Variants in POU2F2 observed in about 807,000 individuals in gnomAD.
POU2F2 encodes POU domain, class 2, transcription factor 2.
A neutral mutation model predicts 63.5 loss-of-function variants in POU2F2; 14 were observed. The observed-to-expected ratio is 0.22, with a 90% CI of 0.15 to 0.34. The LOEUF is 0.34. POU2F2 is among the 10% of genes least tolerant of loss of function. The probability of loss-of-function intolerance (pLI) is 1.00; values close to 1 mark genes in which losing one functional copy is unlikely to be tolerated. For missense variants in POU2F2, 607 were observed against 815.2 expected (o/e 0.74, Z 3.11); for synonymous variants, 306 against 348.6 (o/e 0.88, Z 1.36).
Position 42,117,186 on chromosome 19 carries a change from G to T in POU2F2, c.369+64C>A. 7.9e-7 allele frequency: 1 copy of T among 1,267,150 alleles called. No individual in the cohort carries two copies. The highest frequency in any genetic ancestry group is 1.1e-6 in the Non-Finnish European group (1 of 928,724). 78.5% of individuals were successfully genotyped at this position (1,267,150 alleles called of 1,614,324 possible). A position where few individuals can be genotyped will look rare whatever the true frequency, so the allele number is the denominator to read the frequency against. Reference sequence around the variant, plus strand: ...CCTTGGTGGAACAGTTCATCCACTAGCCCTGTAACAGATGAGGGGTGGCTG... The same window carrying T: ...CCTTGGTGGAACAGTTCATCCACTATCCCTGTAACAGATGAGGGGTGGCTG... On this transcript the variant is annotated intron_variant, in intron 5 of 14. Coordinates refer to ENST00000692977, the MANE Select transcript of POU2F2 (RefSeq NM_001394376.1). The surrounding 1 kb of genome is among the most constrained non-coding windows in gnomAD (Gnocchi z 4.4).
Position 42,095,261 on chromosome 19 carries a change from C to T in POU2F2, c.1197+25G>A, listed in dbSNP as rs1297119367. Reference sequence around the variant, plus strand: ...TGCCTGCGGAGCTCTGTGGTCTCCCCACCCCCCAGGCGGGCTCTTGGTACC... The same window carrying T: ...TGCCTGCGGAGCTCTGTGGTCTCCCTACCCCCCAGGCGGGCTCTTGGTACC... On this transcript the variant is annotated intron_variant, in intron 11 of 14. Transcript: ENST00000692977. The surrounding 1 kb of genome is among the most constrained non-coding windows in gnomAD (Gnocchi z 7.1). 2 of 1,602,086 alleles carry T rather than the reference C, an allele frequency of 1.2e-6. No individual in the cohort carries two copies. The highest frequency in any genetic ancestry group is 1.7e-6 in the Non-Finnish European group (2 of 1,175,728).
At chr19:42,136,224 A>C, upstream of POU2F2, among the ~76,000 whole-genome samples, 1 of 126,442 alleles carries the variant, frequency 7.9e-6, no homozygotes, top group African/African-American at 3.1e-5. Flanking sequence ...TGGCTCTGTC[A>C]CTCAGGCTGG....
chr19:42,154,760 T>TCA (rs1271357644), intron 2 of POU2F2, among the ~76,000 whole-genome samples: 3 of 149,452 alleles, frequency 2.0e-5, no homozygotes, highest in Non-Finnish European at 4.5e-5. Flanking sequence ...AAGTGATGTC[T>TCA]CTCACACACA....
Position 42,137,599 on chromosome 19 carries a change from G to A in POU2F2, c.-8-15023C>T, listed in dbSNP as rs943950356. Among the ~76,000 whole-genome samples, 5 of 151,968 alleles carry A rather than the reference G, an allele frequency of 3.3e-5. No homozygotes were observed. In the East Asian group the frequency reaches 5.8e-4, roughly 18 times the overall value. On this transcript the variant is annotated intron_variant, in intron 2 of 6. Coordinates refer to the POU2F2 transcript ENST00000524801. ...AACTTAGCTGGGTGTGGTGGTGTGC[G>A]TCTGTAGTCCCAGCTACTCGAGAGG...
chr19:42,100,205 C>T (rs2077083223), intron 5 of POU2F2, among the ~76,000 whole-genome samples: 1 of 144,850 alleles, frequency 6.9e-6, no homozygotes, highest in Non-Finnish European at 1.5e-5. Flanking sequence ...CATTCTCCTA[C>T]CTCAGCCTCC....
At chr19:42,144,688 ATT>A (rs1195213952) in intron 2 of POU2F2, among the ~76,000 whole-genome samples, 1 of 152,248 alleles carries the variant, frequency 6.6e-6, no homozygotes, top group Non-Finnish European at 1.5e-5. Flanking sequence ...TGTTATGTGT[ATT>A]CTTTGCATCA....
At chr19:42,102,461 AT>A (rs2077179342) in intron 5 of POU2F2, among the ~76,000 whole-genome samples, 1 of 152,002 alleles carries the variant, frequency 6.6e-6, no homozygotes, top group Admixed American at 6.6e-5. Context: ...TAATAAAAGT[AT>A]TTTTTAAGAC....
In POU2F2 at chr19:42,103,738, T is replaced by G. The variant is rs1359729758; in HGVS notation, c.370-3917A>C. Among the ~76,000 whole-genome samples, 3 of 149,090 alleles carry G rather than the reference T, an allele frequency of 2.0e-5. No individual in the cohort carries two copies. In the East Asian group the frequency reaches 6.3e-4, roughly 31 times the overall value. On this transcript the variant is annotated intron_variant, in intron 5 of 14. Transcript: ENST00000692977. ...AGCTCCGCCTCCCAGGTTCACGCCA[T>G]TCTCCTGCCTCAGCCTCCCAAGTAG... is the stretch of plus-strand genomic sequence containing the variant.
At chr19:42,110,111 T>TA (rs2030831078) in intron 5 of POU2F2, among the ~76,000 whole-genome samples, 1 of 150,928 alleles carries the variant, frequency 6.6e-6, no homozygotes, top group African/African-American at 2.4e-5. Context: ...TTTTTTTTTT[T>TA]ACTTATCCAG....
At chr19:42,113,185 TC>T (rs1041195081) in intron 5 of POU2F2, among the ~76,000 whole-genome samples, 5 of 152,114 alleles carry the variant, frequency 3.3e-5, no homozygotes, top group Non-Finnish European at 7.4e-5. Context: ...TAGGAAATTT[TC>T]CCCCCTACTC....
chr19:42,192,692 A>G (rs2146828344), intron 1 of POU2F2, among the ~76,000 whole-genome samples: 1 of 152,314 alleles, frequency 6.6e-6, no homozygotes, highest in Non-Finnish European at 1.5e-5. Context: ...CTATACACTC[A>G]AAGACCTCCT....
chr19:42,099,557 G>A lies in POU2F2; in HGVS notation c.537C>T (p.Thr179=), dbSNP rs1477345120. Residue 179 remains threonine, a synonymous_variant, in exon 7 of 15, where the codon ACC becomes ACT. Transcript: ENST00000692977. Reference sequence around the variant, plus strand: ...TGGGAAGCCCGGCCCGGGGCTGGGAGGTCAGAAGAGCTCCCTGGGTTTGCT... The same window carrying A: ...TGGGAAGCCCGGCCCGGGGCTGGGAAGTCAGAAGAGCTCCCTGGGTTTGCT... ...LPQQTQGALL[T]SQPRAGLPTQ... 2.5e-6 allele frequency: 4 copies of A among 1,614,112 alleles called. No individual in the cohort carries two copies. In the African/African-American group the frequency reaches 4.0e-5, roughly 16 times the overall value.
chr19:42,099,152 G>A (rs911833126), intron 7 of POU2F2, among the ~76,000 whole-genome samples: 24 of 152,224 alleles, frequency 1.6e-4, no homozygotes, highest in Admixed American at 1.3e-4. Context: ...AGAATCCTCC[G>A]TTGCAGTGCT....
chr19:42,174,572 C>G (rs1221837107), intron 1 of POU2F2, among the ~76,000 whole-genome samples: 1 of 151,860 alleles, frequency 6.6e-6, no homozygotes, highest in Non-Finnish European at 1.5e-5. Flanking sequence ...GTACCCAACC[C>G]CCCACTGAAA....
upstream of POU2F2, among the ~76,000 whole-genome samples, chr19:42,180,313 C>G (rs551542952): frequency 1.3e-5 from 2 of 152,242 alleles, no homozygotes; most frequent in South Asian, 4.1e-4. Flanking sequence ...CAAAACTGAA[C>G]ATAAGAAACA....
intron 1 of POU2F2, among the ~76,000 whole-genome samples, chr19:42,183,219 T>G (rs2034981306): frequency 1.3e-5 from 2 of 152,208 alleles, no homozygotes; most frequent in South Asian, 4.1e-4. Context: ...GACACAACTC[T>G]GCCCTCATAG....
At chr19:42,158,338 T>C (rs979718570) in intron 2 of POU2F2, among the ~76,000 whole-genome samples, 3 of 152,214 alleles carry the variant, frequency 2.0e-5, no homozygotes, top group Admixed American at 1.3e-4. Context: ...CGAAATCAAA[T>C]TCACTCCCAA....
chr19:42,086,133 A>T lies in POU2F2; in HGVS notation c.*5124T>A, dbSNP rs1455903356. 1 of 152,050 alleles carries T rather than the reference A, an allele frequency of 6.6e-6. No individual in the cohort carries two copies. The highest frequency in any genetic ancestry group is 1.5e-5 in the Non-Finnish European group (1 of 68,014). The allele number at this position is 152,050 out of a possible 1,614,324, so 9.4% of individuals were successfully genotyped here. ...CATCATTTCTCTCTGTACAGTTTTT[A>T]ATTTTTTATTTTTTGATGTTTGTTG... is the stretch of plus-strand genomic sequence containing the variant. On this transcript the variant is annotated 3_prime_UTR_variant, in exon 15 of 15. Transcript: ENST00000692977.
intron 1 of POU2F2, among the ~76,000 whole-genome samples, chr19:42,194,849 G>A (rs2035114443): frequency 7.4e-6 from 1 of 134,478 alleles, no homozygotes; most frequent in Non-Finnish European, 1.6e-5. Flanking sequence ...GGGAGGAAGG[G>A]AGGGAGGGAA....
Sources: gnomAD v4.1 joint callset for allele counts (sites outside exome capture counted in the v4.1 genomes callset) on GRCh38, gnomAD v4.1.1 for gene constraint, Gnocchi (gnomAD v3.1) non-coding constraint, MANE v1.5 for transcripts, NCBI Gene and HGNC (gene_info 2026-07-23, HGNC 2026-07-21) for gene names.